Variants in MARCHF3 observed in about 807,000 individuals in gnomAD.
MARCHF3 encodes E3 ubiquitin-protein ligase MARCHF3.
In MARCHF3, 13 loss-of-function variants were observed where a neutral mutation model predicts 24.2. The observed-to-expected ratio is 0.54, with a 90% confidence interval of 0.35 to 0.85. The LOEUF is 0.85. Among genes scored for constraint, MARCHF3 ranks in the 40% least tolerant of loss-of-function variants. The pLI is 0.01. For missense variants in MARCHF3, 276 were observed against 325.0 expected, an observed-to-expected ratio of 0.85 and a Z score of 1.16; for synonymous variants, 144 against 137.3, an observed-to-expected ratio of 1.05 and a Z score of -0.34.
intron 1 of MARCHF3, among the ~76,000 whole-genome samples, chr5:127,000,609 C>T (rs1752094965): frequency 6.6e-6 from 1 of 152,214 alleles, no homozygotes; most frequent in Non-Finnish European, 1.5e-5. Context: ...ACATTACCAA[C>T]AGGGCAGAAT....
chr5:126,997,113 T>A (rs1369953412), intron 1 of MARCHF3, among the ~76,000 whole-genome samples: 1 of 152,186 alleles, frequency 6.6e-6, no homozygotes, highest in African/African-American at 2.4e-5. Context: ...AAATTTAGTA[T>A]GAGGACAAGC....
intron 1 of MARCHF3, among the ~76,000 whole-genome samples, chr5:126,929,947 A>G (rs931338487): frequency 2.0e-5 from 3 of 152,170 alleles, no homozygotes; most frequent in Non-Finnish European, 4.4e-5. Context: ...GCCTTCTGCC[A>G]TGATTGTGAG....
At chr5:126,880,700 G>GC (rs1456754304) in intron 3 of MARCHF3, among the ~76,000 whole-genome samples, 1 of 152,116 alleles carries the variant, frequency 6.6e-6, no homozygotes, top group East Asian at 1.9e-4. Context: ...AATTAAAATC[G>GC]CAAGACATTT....
intron 3 of MARCHF3, among the ~76,000 whole-genome samples, chr5:126,895,598 G>T (rs530998658): frequency 3.9e-5 from 6 of 152,050 alleles, no homozygotes; most frequent in Non-Finnish European, 7.4e-5. Flanking sequence ...GCCCCTGCTG[G>T]GGGGTGCCTC....
intron 1 of MARCHF3, among the ~76,000 whole-genome samples, chr5:127,017,125 G>C (rs1457449867): frequency 7.2e-5 from 11 of 152,132 alleles, no homozygotes; most frequent in Admixed American, 5.2e-4. Flanking sequence ...GTGGTGGGGG[G>C]CTGGGGAGGG....
chr5:127,012,523 T>C (rs184350702), intron 1 of MARCHF3, among the ~76,000 whole-genome samples: 7 of 152,220 alleles, frequency 4.6e-5, no homozygotes, highest in Admixed American at 2.0e-4. Flanking sequence ...TTGAAATCAT[T>C]AGAGAAGTGA....
At chr5:126,938,997 G>C (rs1397073570) in intron 1 of MARCHF3, among the ~76,000 whole-genome samples, 2 of 152,182 alleles carry the variant, frequency 1.3e-5, no homozygotes, top group Non-Finnish European at 2.9e-5. Context: ...AATGAATTCT[G>C]TGGATACATT....
At chr5:126,876,015 G>A (rs891072237) in intron 4 of MARCHF3, among the ~76,000 whole-genome samples, 8 of 152,156 alleles carry the variant, frequency 5.3e-5, no homozygotes, top group African/African-American at 1.9e-4. Flanking sequence ...AGCACTGCCC[G>A]TGAGAAACAT....
intron 3 of MARCHF3, among the ~76,000 whole-genome samples, chr5:126,909,990 A>G (rs1215572059): frequency 1.3e-5 from 2 of 152,178 alleles, no homozygotes; most frequent in African/African-American, 4.8e-5. Context: ...TAAACCTCTG[A>G]CTCACAGGGA....
intron 2 of MARCHF3, among the ~76,000 whole-genome samples, chr5:126,917,202 G>C (rs1269891935): frequency 1.3e-5 from 2 of 152,168 alleles, no homozygotes; most frequent in East Asian, 1.9e-4. Flanking sequence ...TAAATGCATA[G>C]GTTAGAAGTC....
intron 1 of MARCHF3, among the ~76,000 whole-genome samples, chr5:126,948,553 C>G (rs1580672066): frequency 6.6e-6 from 1 of 152,134 alleles, no homozygotes; most frequent in Admixed American, 6.5e-5. Flanking sequence ...AACGGGAGAA[C>G]CAAAAGCTGA....
At position 126,868,067 on chromosome 5, in the gene MARCHF3, T is replaced by C. The variant is rs1289005746; in HGVS notation, c.*2566A>G. ...AGGTAAAGGACCCCCACTCCTCATC[T>C]CTTCCTCTTCATTCTTGATCTTTCA... On this transcript the variant is annotated 3_prime_UTR_variant, in exon 5 of 5. Transcript: ENST00000308660. 1.3e-5 allele frequency: 2 copies of C among 152,168 alleles called. No homozygotes were observed. Among genetic ancestry groups the C allele is most frequent in the Non-Finnish European group, 2.9e-5 (2 of 68,030 alleles). 9.4% of individuals were successfully genotyped at this position (152,168 alleles called of 1,614,324 possible). A position where few individuals can be genotyped will look rare whatever the true frequency, so the allele number is the denominator to read the frequency against.
chr5:126,974,054 C>T (rs897509223), intron 1 of MARCHF3, among the ~76,000 whole-genome samples: 13 of 151,480 alleles, frequency 8.6e-5, no homozygotes, highest in Non-Finnish European at 1.3e-4. Context: ...CCCGCCACCG[C>T]GCCCGGCTAA....
At chr5:126,979,674 C>T (rs989359358) in intron 1 of MARCHF3, among the ~76,000 whole-genome samples, 4 of 152,058 alleles carry the variant, frequency 2.6e-5, no homozygotes, top group Admixed American at 1.3e-4. Flanking sequence ...TGAGGCCAGG[C>T]GCAGTGGCTC....
chr5:126,961,830 T>C (rs534182778), intron 1 of MARCHF3, among the ~76,000 whole-genome samples: 1 of 152,278 alleles, frequency 6.6e-6, no homozygotes, highest in South Asian at 2.1e-4. Context: ...CACTGAGTCA[T>C]TTGAGCTCAC....
chr5:126,946,443 T>G (rs1750013702), intron 1 of MARCHF3: 1 of 150,790 alleles, frequency 6.6e-6, no homozygotes, highest in African/African-American at 2.4e-5. Flanking sequence ...TGTTGCAAAG[T>G]TAAGTTTTGT....
At chr5:127,012,290 T>C (rs1580486642) in intron 1 of MARCHF3, among the ~76,000 whole-genome samples, 1 of 152,224 alleles carries the variant, frequency 6.6e-6, no homozygotes, top group African/African-American at 2.4e-5. Flanking sequence ...TGCTCTGTCA[T>C]TTAGAAACAT....
At chr5:126,917,844 GTCT>G (rs1748942526) in intron 2 of MARCHF3, 137 bp downstream of exon 2, 1 of 777,678 alleles carries the variant, frequency 1.3e-6, no homozygotes, top group Non-Finnish European at 2.0e-6. Context: ...AACTCGTGTA[GTCT>G]TTTTTTTTTT....
chr5:126,946,820 AG>A (rs1489053795), intron 1 of MARCHF3, among the ~76,000 whole-genome samples: 1 of 90,044 alleles, frequency 1.1e-5, no homozygotes, highest in Non-Finnish European at 2.3e-5. Flanking sequence ...GGTGGAGGGG[AG>A]GGGGCACTGA....
Sources: allele counts gnomAD v4.1 joint callset (sites outside exome capture counted in the v4.1 genomes callset), GRCh38; gene constraint gnomAD v4.1.1; transcripts MANE v1.5; gene names NCBI Gene and HGNC (gene_info 2026-07-23, HGNC 2026-07-21).